BTBD9: variants seen among roughly 807,000 people sequenced by gnomAD.
BTBD9 encodes the protein BTB/POZ domain-containing protein 9.
In BTBD9, 49 loss-of-function variants were observed where a neutral mutation model predicts 64.3. The observed-to-expected ratio is 0.76, with a 90% confidence interval of 0.61 to 0.97. The LOEUF (loss-of-function observed/expected upper bound fraction) is 0.97. Ranked by LOEUF, BTBD9 falls within the 50% of genes least tolerant of loss-of-function variation. BTBD9 has a pLI of 0.00. For synonymous variants in BTBD9, 260 were observed against 274.7 expected, an observed-to-expected ratio of 0.95 and a Z score of 0.53; for missense variants, 598 against 762.1, an observed-to-expected ratio of 0.78 and a Z score of 2.53.
chr6:38,340,360 A>G (rs1455877211), intron 7 of BTBD9, among the ~76,000 whole-genome samples: 2 of 152,202 alleles, frequency 1.3e-5, no homozygotes, highest in African/African-American at 4.8e-5. Flanking sequence ...AATGTACAAA[A>G]TAAACCTAGT....
At chr6:38,267,082 A>C (rs1481148561) in intron 8 of BTBD9, among the ~76,000 whole-genome samples, 1 of 152,260 alleles carries the variant, frequency 6.6e-6, no homozygotes, top group South Asian at 2.1e-4. Context: ...CAGGATCAGA[A>C]AAGGATGTGT....
intron 8 of BTBD9, among the ~76,000 whole-genome samples, chr6:38,284,492 C>T (rs1173946012): frequency 6.6e-6 from 1 of 152,150 alleles, no homozygotes; most frequent in Non-Finnish European, 1.5e-5. Context: ...TGAGTTGTCA[C>T]CCTGATAATA....
chr6:38,441,860 T>C (rs1769050699), intron 6 of BTBD9, among the ~76,000 whole-genome samples: 1 of 152,160 alleles, frequency 6.6e-6, no homozygotes. Context: ...CAGTCCAATT[T>C]TACATATGGC....
intron 6 of BTBD9, among the ~76,000 whole-genome samples, chr6:38,352,599 A>C (rs1044225018): frequency 1.3e-5 from 2 of 152,218 alleles, no homozygotes; most frequent in African/African-American, 4.8e-5. Flanking sequence ...AAATGGGGTA[A>C]GCTCCTTAAT....
At chr6:38,506,022 T>A (rs1772491657) in intron 6 of BTBD9, among the ~76,000 whole-genome samples, 1 of 147,450 alleles carries the variant, frequency 6.8e-6, no homozygotes, top group South Asian at 2.2e-4. Context: ...AGCTCCAAAT[T>A]GTGCTGCAAC....
intron 6 of BTBD9, among the ~76,000 whole-genome samples, chr6:38,497,433 T>C (rs1032699204): frequency 6.6e-6 from 1 of 152,220 alleles, no homozygotes; most frequent in African/African-American, 2.4e-5. Context: ...TCACAAAAGA[T>C]GCAACATTCA....
chr6:38,524,883 A>C (rs1031057461), intron 6 of BTBD9, among the ~76,000 whole-genome samples: 3 of 152,050 alleles, frequency 2.0e-5, no homozygotes, highest in Non-Finnish European at 2.9e-5. Context: ...TCCTCTCTTT[A>C]TCTCTCTGTA....
At chr6:38,258,974 T>C (rs1040898250) in intron 8 of BTBD9, among the ~76,000 whole-genome samples, 2 of 152,238 alleles carry the variant, frequency 1.3e-5, no homozygotes, top group Non-Finnish European at 2.9e-5. Flanking sequence ...TTAGGCCCTA[T>C]GTTAAGTGCT....
At chr6:38,494,240 T>C (rs188099367) in intron 6 of BTBD9, among the ~76,000 whole-genome samples, 3 of 152,376 alleles carry the variant, frequency 2.0e-5, no homozygotes, top group East Asian at 3.9e-4. Context: ...CCTTTTTCTT[T>C]TCTCTTTTAA....
At chr6:38,317,993 G>C (rs1307491432) in intron 7 of BTBD9, among the ~76,000 whole-genome samples, 1 of 147,068 alleles carries the variant, frequency 6.8e-6, no homozygotes, top group Non-Finnish European at 1.5e-5. Flanking sequence ...GGAGTGCAGT[G>C]GCGTGATCTC....
At chr6:38,540,389 T>C (rs967106001) in intron 6 of BTBD9, among the ~76,000 whole-genome samples, 3 of 152,230 alleles carry the variant, frequency 2.0e-5, no homozygotes, top group Non-Finnish European at 4.4e-5. Flanking sequence ...CCATGAGCCA[T>C]ATTTTTGATA....
intron 8 of BTBD9, among the ~76,000 whole-genome samples, chr6:38,264,805 T>C (rs894399090): frequency 6.6e-6 from 1 of 152,054 alleles, no homozygotes; most frequent in African/African-American, 2.4e-5. Flanking sequence ...TTCTTAAAAG[T>C]GTGTGAAGTA....
At chr6:38,342,611 T>C (rs925980393) in intron 7 of BTBD9, among the ~76,000 whole-genome samples, 4 of 152,128 alleles carry the variant, frequency 2.6e-5, no homozygotes, top group Non-Finnish European at 5.9e-5. Context: ...TTTTACTTTT[T>C]TTCCCCCAAG....
At chr6:38,438,048 G>C (rs1768817764) in intron 6 of BTBD9, among the ~76,000 whole-genome samples, 1 of 151,738 alleles carries the variant, frequency 6.6e-6, no homozygotes, top group African/African-American at 2.4e-5. Context: ...GGATCTCCTG[G>C]GATACGAAGC....
chr6:38,353,879 T>C (rs576632863), intron 6 of BTBD9, among the ~76,000 whole-genome samples: 46 of 152,348 alleles, frequency 3.0e-4, no homozygotes, highest in African/African-American at 1.1e-3. Flanking sequence ...ACCTGTAACA[T>C]GCCTGCTACT....
chr6:38,610,935 T>A (rs1156507376), intron 1 of BTBD9, among the ~76,000 whole-genome samples: 1 of 151,746 alleles, frequency 6.6e-6, no homozygotes, highest in African/African-American at 2.4e-5. Context: ...GGACTAAACG[T>A]CCATCAATAC....
chr6:38,539,017 G>T (rs1774149877), intron 6 of BTBD9, among the ~76,000 whole-genome samples: 1 of 152,064 alleles, frequency 6.6e-6, no homozygotes, highest in Non-Finnish European at 1.5e-5. Flanking sequence ...TGTTGCCCAG[G>T]ATGGTCTCAA....
At chr6:38,201,475 T>G (rs1328536376) in intron 9 of BTBD9, among the ~76,000 whole-genome samples, 2 of 152,164 alleles carry the variant, frequency 1.3e-5, no homozygotes, top group Non-Finnish European at 2.9e-5. Flanking sequence ...GACAAACCCA[T>G]AGCTAACATC....
intron 6 of BTBD9, among the ~76,000 whole-genome samples, chr6:38,554,485 G>A (rs1774935736): frequency 6.6e-6 from 1 of 152,222 alleles, no homozygotes; most frequent in Non-Finnish European, 1.5e-5. Context: ...AGGCATGAAT[G>A]CAAACGTGGG....
Sources: allele counts gnomAD v4.1 joint callset (sites outside exome capture counted in the v4.1 genomes callset), GRCh38; gene constraint gnomAD v4.1.1; transcripts MANE v1.5; gene names NCBI Gene and HGNC (gene_info 2026-07-23, HGNC 2026-07-21).